Variants in CSMD1 observed in about 807,000 individuals in gnomAD.
CSMD1 encodes CUB and Sushi multiple domains 1, also known as CUB and sushi domain-containing protein 1.
CSMD1 carries 213 observed loss-of-function variants against 417.5 expected under a neutral mutation model. The observed-to-expected ratio is 0.51, with a 90% CI of 0.46 to 0.57. CSMD1 has a LOEUF of 0.57. CSMD1 is among the 20% of genes least tolerant of loss of function. The pLI is 0.00. For missense variants in CSMD1, 6,923 were observed against 4,529.7 expected (o/e 1.53, Z -15.17); for synonymous variants, 2,862 against 1,736.8 (o/e 1.65, Z -16.11).
intron 50 of CSMD1, among the ~76,000 whole-genome samples, chr8:3,042,814 T>C (rs1246364893): frequency 6.6e-6 from 1 of 152,078 alleles, no homozygotes; most frequent in Non-Finnish European, 1.5e-5. Flanking sequence ...TATTTATAGG[T>C]CGTATAAACC....
At chr8:4,684,969 T>C (rs1022023426) in intron 1 of CSMD1, among the ~76,000 whole-genome samples, 2 of 152,180 alleles carry the variant, frequency 1.3e-5, no homozygotes, top group African/African-American at 4.8e-5. Flanking sequence ...AAGCCTATTT[T>C]AATGATAGTA....
intron 4 of CSMD1, among the ~76,000 whole-genome samples, chr8:4,017,608 C>T (rs1348978680): frequency 1.3e-5 from 2 of 152,080 alleles, no homozygotes; most frequent in Non-Finnish European, 2.9e-5. Flanking sequence ...GCCCAGCTGC[C>T]ACCTCGTTTA....
chr8:3,814,169 G>A (rs890033773), intron 5 of CSMD1, among the ~76,000 whole-genome samples: 1 of 152,212 alleles, frequency 6.6e-6, no homozygotes, highest in Non-Finnish European at 1.5e-5. Context: ...CAGCGTGGAA[G>A]TCAAGATGCA....
intron 4 of CSMD1, among the ~76,000 whole-genome samples, chr8:4,002,397 G>T (rs1215246714): frequency 6.6e-6 from 1 of 152,130 alleles, no homozygotes; most frequent in Non-Finnish European, 1.5e-5. Context: ...AGCATTTGAA[G>T]AAGAGCTACC....
At chr8:3,659,541 A>C (rs1238447547) in intron 7 of CSMD1, among the ~76,000 whole-genome samples, 1 of 152,110 alleles carries the variant, frequency 6.6e-6, no homozygotes, top group African/African-American at 2.4e-5. Flanking sequence ...GGATGATCCT[A>C]GTTCTTTTTT....
intron 23 of CSMD1, among the ~76,000 whole-genome samples, chr8:3,332,396 G>T (rs1184864238): frequency 1.3e-5 from 2 of 152,238 alleles, no homozygotes; most frequent in East Asian, 3.9e-4. Flanking sequence ...GTCTCTCCAG[G>T]TGGGGCCTGA....
intron 1 of CSMD1, among the ~76,000 whole-genome samples, chr8:4,969,377 G>A (rs891225906): frequency 2.6e-5 from 4 of 151,720 alleles, no homozygotes; most frequent in Admixed American, 2.0e-4. Flanking sequence ...CAGATAAAAC[G>A]AGATGGGGAT....
At position 3,740,882 on chromosome 8, in the gene CSMD1, A is replaced by G. The variant is rs188509590; in HGVS notation, c.931+13048T>C. ...GAGAGGATGAGGCAGAGCCCTACTC[A>G]GCTTCTGTGCCCAGGGGTGGGAGGA... On this transcript the variant is annotated intron_variant, in intron 6 of 69. Coordinates refer to ENST00000635120, the MANE Select transcript of CSMD1 (RefSeq NM_033225.6). 1.1e-3 allele frequency among the ~76,000 whole-genome samples: 175 copies of G among 152,212 alleles called. 1 individual carries two copies. Among genetic ancestry groups the G allele is most frequent in the African/African-American group, 4.1e-3 (172 of 41,520 alleles).
intron 2 of CSMD1, among the ~76,000 whole-genome samples, chr8:4,545,468 C>T (rs983373798): frequency 6.6e-6 from 1 of 152,074 alleles, no homozygotes; most frequent in African/African-American, 2.4e-5. Flanking sequence ...GCTCGTTTAC[C>T]TACTTTTCAA....
intron 3 of CSMD1, among the ~76,000 whole-genome samples, chr8:4,379,755 A>T (rs1802983482): frequency 6.6e-6 from 1 of 152,102 alleles, no homozygotes; most frequent in African/African-American, 2.4e-5. Flanking sequence ...AAATGAGAAA[A>T]ATCTATGGCC....
rs150506666 is a variant in CSMD1, at chr8:3,220,614, C to T, written c.4485-1172G>A. On this transcript the variant is annotated intron_variant, in intron 28 of 69. Transcript: ENST00000635120. Reference sequence around the variant, plus strand: ...TTGGGAGGCTGAGGCAGGCAGATCACGAGGTCAGGAGTTCGAGAACAGCCT... The same window carrying T: ...TTGGGAGGCTGAGGCAGGCAGATCATGAGGTCAGGAGTTCGAGAACAGCCT... Among the ~76,000 whole-genome samples, 763 of 152,260 alleles carry T rather than the reference C, an allele frequency of 5.0e-3. 12 individuals carry two copies. The highest frequency in any genetic ancestry group is 0.018 in the African/African-American group (738 of 41,538).
intron 2 of CSMD1, among the ~76,000 whole-genome samples, chr8:4,535,901 A>T (rs563352052): frequency 6.6e-6 from 1 of 152,326 alleles, no homozygotes; most frequent in Non-Finnish European, 1.5e-5. Context: ...TTTTATAATT[A>T]ACTCTTTGTT....
At chr8:4,341,159 G>A (rs1800455431) in intron 3 of CSMD1, among the ~76,000 whole-genome samples, 1 of 152,062 alleles carries the variant, frequency 6.6e-6, no homozygotes, top group African/African-American at 2.4e-5. Flanking sequence ...TTTTGAATTA[G>A]TAGGCGTTGA....
intron 2 of CSMD1, among the ~76,000 whole-genome samples, chr8:4,462,555 A>G (rs1799900577): frequency 6.6e-6 from 1 of 152,170 alleles, no homozygotes; most frequent in African/African-American, 2.4e-5. Flanking sequence ...TTAAAAAAGA[A>G]AAATTTCAAT....
intron 2 of CSMD1, among the ~76,000 whole-genome samples, chr8:4,594,344 C>T (rs1187236656): frequency 1.3e-5 from 2 of 151,832 alleles, no homozygotes; most frequent in African/African-American, 2.4e-5. Flanking sequence ...GCTGGGAATA[C>T]AGGCGCCAGC....
intron 10 of CSMD1, among the ~76,000 whole-genome samples, chr8:3,528,185 A>G (rs1269877225): frequency 6.6e-6 from 1 of 152,252 alleles, no homozygotes; most frequent in Non-Finnish European, 1.5e-5. Flanking sequence ...TGGTAGAATC[A>G]AAGTTTGATT....
intron 1 of CSMD1, among the ~76,000 whole-genome samples, chr8:4,948,992 C>G (rs1274265497): frequency 6.6e-6 from 1 of 152,028 alleles, no homozygotes; most frequent in Non-Finnish European, 1.5e-5. Context: ...TTTAAGGAAG[C>G]CTCCTTCTGT....
chr8:3,854,658 T>A (rs545355355), intron 5 of CSMD1, among the ~76,000 whole-genome samples: 2 of 149,410 alleles, frequency 1.3e-5, no homozygotes, highest in East Asian at 3.9e-4. Context: ...CTGGACAATG[T>A]GGAAGAGAGG....
intron 8 of CSMD1, among the ~76,000 whole-genome samples, chr8:3,602,896 G>C (rs997047259): frequency 1.4e-4 from 22 of 151,930 alleles, no homozygotes; most frequent in African/African-American, 4.8e-4. Context: ...ATTAATATAG[G>C]CTCAAGTAAC....
Sources: gnomAD v4.1 joint callset for allele counts (sites outside exome capture counted in the v4.1 genomes callset) on GRCh38, gnomAD v4.1.1 for gene constraint, MANE v1.5 for transcripts, NCBI Gene and HGNC (gene_info 2026-07-23, HGNC 2026-07-21) for gene names.